MACO1: variants seen among roughly 807,000 people sequenced by gnomAD.
MACO1 encodes the protein macoilin 1.
A neutral mutation model predicts 78.7 loss-of-function variants in MACO1; 14 were observed. The observed-to-expected ratio is 0.18, with a 90% confidence interval of 0.12 to 0.28. The LOEUF (loss-of-function observed/expected upper bound fraction) is 0.28. Ranked by LOEUF, MACO1 falls within the 10% of genes least tolerant of loss-of-function variation. The pLI, the probability that MACO1 is intolerant of heterozygous loss-of-function variation, is 1.00. For synonymous variants in MACO1, 288 were observed against 291.6 expected, an observed-to-expected ratio of 0.99 and a Z score of 0.12; for missense variants, 501 against 799.0, an observed-to-expected ratio of 0.63 and a Z score of 4.50.
chr1:25,484,394 A>T lies in MACO1; in HGVS notation c.1313+120A>T, dbSNP rs116452922. The T allele has an allele frequency of 2.1e-3, 2,008 of 971,768 alleles. 25 individuals are homozygous for T. In the African/African-American group the frequency reaches 0.029, roughly 14 times the overall value. 60.2% of individuals were successfully genotyped at this position (971,768 alleles called of 1,614,324 possible). A position where few individuals can be genotyped will look rare whatever the true frequency, so the allele number is the denominator to read the frequency against. ...GACCTGCTGAGAGGTTTTTAAATAAAATGTTTAAAATACTTTATTTAGTAC... is the reference window on the plus strand; with the variant it reads ...GACCTGCTGAGAGGTTTTTAAATAATATGTTTAAAATACTTTATTTAGTAC... On this transcript the variant is annotated intron_variant, in intron 7 of 10. Coordinates refer to ENST00000374343, the MANE Select transcript of MACO1 (RefSeq NM_018202.6).
intron 3 of MACO1, among the ~76,000 whole-genome samples, chr1:25,453,367 G>C (rs2043085080): frequency 6.6e-6 from 1 of 150,478 alleles, no homozygotes; most frequent in Non-Finnish European, 1.5e-5. Context: ...TAGATTCTTA[G>C]AAGTGGAATT....
At chr1:25,489,326 TGAATTC>T (rs1182658930) in intron 9 of MACO1, 33 bp downstream of exon 9, 7 of 1,608,162 alleles carry the variant, frequency 4.4e-6, no homozygotes, top group African/African-American at 1.3e-5. Context: ...CCCTTGTATT[TGAATTC>T]CACTTTTATG....
At chr1:25,483,953 C>T (rs547838510) in intron 6 of MACO1, among the ~76,000 whole-genome samples, 163 bp from the exon 7 acceptor site, 3 of 152,326 alleles carry the variant, frequency 2.0e-5, no homozygotes, top group East Asian at 1.9e-4. Context: ...AATCATTCAA[C>T]AAAATTAACC....
chr1:25,434,181 A>G (rs1453488656), intron 1 of MACO1, among the ~76,000 whole-genome samples: 1 of 152,206 alleles, frequency 6.6e-6, no homozygotes, highest in Non-Finnish European at 1.5e-5. Context: ...ATCATTTGAA[A>G]AGTGAAACAT....
At chr1:25,472,370 C>T (rs1011975569) in intron 6 of MACO1, among the ~76,000 whole-genome samples, 2 of 151,982 alleles carry the variant, frequency 1.3e-5, no homozygotes, top group Non-Finnish European at 2.9e-5. Flanking sequence ...CCCTAGCCCC[C>T]CACCCCTCAA....
intron 6 of MACO1, among the ~76,000 whole-genome samples, chr1:25,471,828 T>C (rs1047583536): frequency 2.0e-5 from 3 of 152,204 alleles, no homozygotes; most frequent in Non-Finnish European, 4.4e-5. Flanking sequence ...AGAAAGTCTC[T>C]TTGCTCCAAA....
intron 6 of MACO1, among the ~76,000 whole-genome samples, chr1:25,482,133 T>C (rs1158744144): frequency 2.6e-5 from 4 of 152,176 alleles, no homozygotes; most frequent in Non-Finnish European, 5.9e-5. Context: ...GAAATCTTGG[T>C]TCTGTTGGTA....
intron 6 of MACO1, among the ~76,000 whole-genome samples, chr1:25,466,097 C>T (rs991595494): frequency 6.6e-6 from 1 of 152,074 alleles, no homozygotes; most frequent in Non-Finnish European, 1.5e-5. Flanking sequence ...ATTTTTGATA[C>T]ATTGATTTCT....
chr1:25,453,153 C>G (rs2043082894), intron 3 of MACO1, among the ~76,000 whole-genome samples: 1 of 150,876 alleles, frequency 6.6e-6, no homozygotes, highest in Non-Finnish European at 1.5e-5. Flanking sequence ...TTACAGGCGC[C>G]TGCCACCACG....
At position 25,480,930 on chromosome 1, in the gene MACO1, ATATATATATATATAT is replaced by A. The variant is rs1202723308; in HGVS notation, c.1155-3185_1155-3171del. ...GACTTGGTTAAAAAAAAAAAAAAAA[ATATATATATATATAT>A]ATATATATATATATATATATATATA... On this transcript the variant is annotated intron_variant, in intron 6 of 10. Coordinates refer to ENST00000374343, the MANE Select transcript of MACO1 (RefSeq NM_018202.6). Among the ~76,000 whole-genome samples, 243 of 75,276 alleles carry A rather than the reference ATATATATATATATAT, an allele frequency of 3.2e-3. 24 individuals are homozygous for A. The highest frequency in any genetic ancestry group is 0.013 in the African/African-American group (215 of 16,288). The allele number at this position is 75,276 out of a possible 152,430, so 49.4% of individuals were successfully genotyped here. A position where few individuals can be genotyped will look rare whatever the true frequency, so the allele number is the denominator to read the frequency against.
At chr1:25,434,816 AC>A (rs2042905591) in intron 1 of MACO1, among the ~76,000 whole-genome samples, 1 of 152,142 alleles carries the variant, frequency 6.6e-6, no homozygotes, top group African/African-American at 2.4e-5. Context: ...CTGCCTAGAC[AC>A]ATGTGCACCA....
chr1:25,485,660 G>A lies in MACO1; in HGVS notation c.1361G>A (p.Ser454Asn), dbSNP rs765505421. 2 of 1,614,162 alleles carry A rather than the reference G, an allele frequency of 1.2e-6. No individual in the cohort carries two copies. Among genetic ancestry groups the A allele is most frequent in the Admixed American group, 3.3e-5 (2 of 60,008 alleles). Residue 454 changes from serine (S) to asparagine (N), a missense_variant, in exon 8 of 11, where the codon AGC (serine) becomes AAC (asparagine). Physicochemically the swap from Ser to Asn is conservative, Grantham distance 46. This residue lies in a region of MACO1 where 163 missense variants were observed against 271.9 expected (regional missense o/e 0.60). Transcript: ENST00000374343. The surrounding 1 kb of genome is among the most constrained non-coding windows in gnomAD (Gnocchi z 4.3). ...QMKQKDKQNI[S>N]QLEKKLKAEQ... ...AAGCAAAAAGACAAGCAGAATATCA[G>A]CCAGTTGGAGAAAAAGCTAAAAGCT...
intron 6 of MACO1, among the ~76,000 whole-genome samples, chr1:25,463,077 C>T (rs574144122): frequency 2.2e-4 from 34 of 152,236 alleles, no homozygotes; most frequent in African/African-American, 7.7e-4. Context: ...AGTGTGCTGA[C>T]GTCCATCATA....
chr1:25,434,760 A>G, intron 1 of MACO1, among the ~76,000 whole-genome samples: 1 of 152,156 alleles, frequency 6.6e-6, no homozygotes, highest in East Asian at 1.9e-4. Flanking sequence ...TAACTCTTAT[A>G]TTTCTAAGGT....
intron 6 of MACO1, among the ~76,000 whole-genome samples, chr1:25,471,971 C>G (rs1298370000): frequency 6.6e-6 from 1 of 152,138 alleles, no homozygotes; most frequent in African/African-American, 2.4e-5. Flanking sequence ...CTCTGAGACA[C>G]TGTTGTCAAA....
At chr1:25,475,674 TG>T (rs1296446390) in intron 6 of MACO1, among the ~76,000 whole-genome samples, 2 of 152,192 alleles carry the variant, frequency 1.3e-5, no homozygotes, top group African/African-American at 4.8e-5. Context: ...CGGAACAGAA[TG>T]GGGAGCAGGT....
chr1:25,468,797 T>C (rs1476332835), intron 6 of MACO1, among the ~76,000 whole-genome samples: 1 of 152,150 alleles, frequency 6.6e-6, no homozygotes, highest in Non-Finnish European at 1.5e-5. Flanking sequence ...GAGAGGCACT[T>C]TGGGAGATTT....
chr1:25,493,868 G>A (rs970347801), intron 10 of MACO1, among the ~76,000 whole-genome samples: 1 of 151,834 alleles, frequency 6.6e-6, no homozygotes, highest in Non-Finnish European at 1.5e-5. Flanking sequence ...GAGTAGCTGG[G>A]ACTACGGCGC....
chr1:25,489,517 A>G (rs985451121), intron 9 of MACO1, among the ~76,000 whole-genome samples: 1 of 152,212 alleles, frequency 6.6e-6, no homozygotes, highest in African/African-American at 2.4e-5. Flanking sequence ...AATGTTGACA[A>G]TCCCTTGGTA....
Sources: allele counts gnomAD v4.1 joint callset (sites outside exome capture counted in the v4.1 genomes callset), GRCh38; gene constraint gnomAD v4.1.1; regional missense constraint gnomAD v4.1.1; non-coding constraint Gnocchi (gnomAD v3.1); transcripts MANE v1.5; gene names NCBI Gene and HGNC (gene_info 2026-07-23, HGNC 2026-07-21).